CYFIP2: variants seen among roughly 807,000 people sequenced by gnomAD.
CYFIP2 encodes the protein cytoplasmic FMR1-interacting protein 2.
CYFIP2 carries 29 observed loss-of-function variants against 158.7 expected under a neutral mutation model. The observed-to-expected ratio is 0.18, with a 90% confidence interval of 0.14 to 0.25. The LOEUF (loss-of-function observed/expected upper bound fraction) is 0.25. Ranked by LOEUF, CYFIP2 falls within the 10% of genes least tolerant of loss-of-function variation. The probability of loss-of-function intolerance (pLI) is 1.00; values close to 1 mark genes in which losing one functional copy is unlikely to be tolerated. For missense variants in CYFIP2, 852 were observed against 1,639.5 expected (o/e 0.52, Z 8.29); for synonymous variants, 585 against 617.6 (o/e 0.95, Z 0.78).
intron 3 of CYFIP2, among the ~76,000 whole-genome samples, chr5:157,291,026 A>G (rs756843705): frequency 6.6e-6 from 1 of 152,232 alleles, no homozygotes; most frequent in African/African-American, 2.4e-5. Context: ...GGTTTAAGTC[A>G]TGGACTTTCA....
intron 1 of CYFIP2, among the ~76,000 whole-genome samples, chr5:157,275,785 A>T (rs1380198350): frequency 6.6e-6 from 1 of 152,262 alleles, no homozygotes; most frequent in African/African-American, 2.4e-5. Flanking sequence ...ACCTATGGAC[A>T]TGGGATATCT....
intron 26 of CYFIP2, among the ~76,000 whole-genome samples, chr5:157,378,768 A>G (rs994453634): frequency 2.0e-5 from 3 of 152,298 alleles, no homozygotes; most frequent in Non-Finnish European, 2.9e-5. Flanking sequence ...CAGAAAGCAA[A>G]TAGCTCATTC....
In CYFIP2 at chr5:157,361,771, G is replaced by A. The variant is rs555020358; in HGVS notation, c.3039+173G>A. Among the ~76,000 whole-genome samples, 2 of 152,224 alleles carry A rather than the reference G, an allele frequency of 1.3e-5. No individual in the cohort carries two copies. The highest frequency in any genetic ancestry group is 4.8e-5 in the African/African-American group (2 of 41,518). On this transcript the variant is annotated intron_variant, in intron 26 of 30. Coordinates refer to ENST00000620254, the MANE Select transcript of CYFIP2 (RefSeq NM_001037333.3). This position sits in a 1 kb window ranked among gnomAD's most constrained non-coding sequence, Gnocchi z 4.4. ...TTCTAGTCCTGGCTCCCCCATTCAC[G>A]ATTAGTGCAGTTGTCTAGGTCTCAG...
At chr5:157,298,884 C>T (rs1056939169) in intron 5 of CYFIP2, among the ~76,000 whole-genome samples, 2 of 152,234 alleles carry the variant, frequency 1.3e-5, no homozygotes, top group Admixed American at 6.5e-5. Context: ...ATCCATGTTA[C>T]AGCGTGTATC....
At chr5:157,287,950 G>A (rs1387582360) in intron 3 of CYFIP2, among the ~76,000 whole-genome samples, 5 of 152,038 alleles carry the variant, frequency 3.3e-5, no homozygotes, top group East Asian at 1.9e-4. Flanking sequence ...AAAATTAGCC[G>A]GGTGAGGTGG....
chr5:157,279,692 G>T (rs1295193331), intron 1 of CYFIP2, among the ~76,000 whole-genome samples: 3 of 152,242 alleles, frequency 2.0e-5, no homozygotes, highest in Non-Finnish European at 2.9e-5. Flanking sequence ...CCGCCACTGA[G>T]AATTTGCAGC....
intron 5 of CYFIP2, among the ~76,000 whole-genome samples, chr5:157,299,154 C>T (rs886777219): frequency 4.9e-5 from 3 of 60,654 alleles, no homozygotes; most frequent in African/African-American, 1.1e-4. Context: ...TATTCTCTCA[C>T]GTCTATCTTT....
chr5:157,334,821 C>G (rs1761733604), intron 21 of CYFIP2, among the ~76,000 whole-genome samples: 1 of 152,134 alleles, frequency 6.6e-6, no homozygotes, highest in East Asian at 1.9e-4. Context: ...TAGATTGAAT[C>G]TTAGAACAGA....
At chr5:157,282,604 G>C in intron 1 of CYFIP2, among the ~76,000 whole-genome samples, 1 of 152,174 alleles carries the variant, frequency 6.6e-6, no homozygotes, top group East Asian at 1.9e-4. Context: ...ATGCATCTTT[G>C]GGACAGATTC....
At chr5:157,373,386 G>GC (rs750714427) in intron 26 of CYFIP2, among the ~76,000 whole-genome samples, 1 of 152,080 alleles carries the variant, frequency 6.6e-6, no homozygotes, top group Non-Finnish European at 1.5e-5. Flanking sequence ...CACCCCTTCA[G>GC]CCCCCCAGAA....
intron 19 of CYFIP2, 118 bp downstream of exon 19, chr5:157,328,167 A>C: frequency 1.1e-6 from 1 of 934,744 alleles, no homozygotes; most frequent in Non-Finnish European, 1.6e-6. Context: ...GAGCCATTCC[A>C]CGGACCCGGA....
In CYFIP2 at chr5:157,390,642, G is replaced by A. The variant is rs1424598314; in HGVS notation, c.3568G>A (p.Gly1190Arg). ...YHLLKVQRQDGKDEIIKNVPL... is the reference protein window; with the variant it reads ...YHLLKVQRQDRKDEIIKNVPL... Reference sequence around the variant, plus strand: ...CCTGCTAAAAGTGCAGAGGCAGGACGGGAAGGATGAAATCATTAAGAATGT... The same window carrying A: ...CCTGCTAAAAGTGCAGAGGCAGGACAGGAAGGATGAAATCATTAAGAATGT... The change falls in exon 30 of 31, where the codon GGG becomes AGG. Residue 1190 changes from glycine (G) to arginine (R), a missense_variant. Coordinates refer to ENST00000620254, the MANE Select transcript of CYFIP2 (RefSeq NM_001037333.3). 6 of 1,586,520 alleles carry A rather than the reference G, an allele frequency of 3.8e-6. No homozygotes were observed. Among genetic ancestry groups the A allele is most frequent in the East Asian group, 2.3e-5 (1 of 43,858 alleles).
intron 23 of CYFIP2, among the ~76,000 whole-genome samples, chr5:157,354,020 T>G (rs1419960100): frequency 6.6e-6 from 1 of 152,232 alleles, no homozygotes; most frequent in African/African-American, 2.4e-5. Flanking sequence ...ATTTTATTTG[T>G]ATATTTTGCC....
intron 26 of CYFIP2, among the ~76,000 whole-genome samples, chr5:157,378,551 T>C (rs1176408418): frequency 1.3e-5 from 2 of 152,220 alleles, no homozygotes; most frequent in Admixed American, 6.5e-5. Context: ...AGGCTTTGGC[T>C]GCATTGGCTG....
At chr5:157,378,143 C>T (rs1461728429) in intron 26 of CYFIP2, among the ~76,000 whole-genome samples, 1 of 152,100 alleles carries the variant, frequency 6.6e-6, no homozygotes, top group African/African-American at 2.4e-5. Context: ...TTTTTGGGTA[C>T]AAACTGACGT....
intron 1 of CYFIP2, chr5:157,269,378 T>G (rs1755887734): frequency 6.6e-6 from 1 of 152,126 alleles, no homozygotes; most frequent in Non-Finnish European, 1.5e-5. Context: ...CTGTGAGAAT[T>G]CAGCATTTTG....
At position 157,304,219 on chromosome 5, in the gene CYFIP2, G is replaced by C. The variant is rs1477332599; in HGVS notation, c.667-19G>C. 4 of 1,608,666 alleles carry C rather than the reference G, an allele frequency of 2.5e-6. No individual in the cohort carries two copies. The highest frequency in any genetic ancestry group is 1.7e-5 in the Admixed American group (1 of 59,284). On this transcript the variant is annotated intron_variant, in intron 7 of 30. Coordinates refer to ENST00000620254, the MANE Select transcript of CYFIP2 (RefSeq NM_001037333.3). ...AGGATACATGCGCTGCCTAACCTGA[G>C]GGTGGCGCTGCTGTTCAGTGTCTCC...
intron 1 of CYFIP2, among the ~76,000 whole-genome samples, chr5:157,269,960 A>G: frequency 6.6e-6 from 1 of 152,232 alleles, no homozygotes. Context: ...TAGCCATTTA[A>G]GCCATACTTG....
intron 26 of CYFIP2, chr5:157,364,176 C>A (rs1764122685): frequency 2.2e-5 from 2 of 89,142 alleles, no homozygotes; most frequent in African/African-American, 5.6e-5. Context: ...CTCAGGGGCA[C>A]CAGAACAGTG....
Sources: allele counts gnomAD v4.1 joint callset (sites outside exome capture counted in the v4.1 genomes callset), GRCh38; gene constraint gnomAD v4.1.1; non-coding constraint Gnocchi (gnomAD v3.1); transcripts MANE v1.5; gene names NCBI Gene and HGNC (gene_info 2026-07-23, HGNC 2026-07-21).